Variants in CDH18 observed in about 807,000 individuals in gnomAD.
CDH18 encodes the protein cadherin 18.
CDH18 carries 31 observed loss-of-function variants against 67.9 expected under a neutral mutation model. The observed-to-expected ratio is 0.46, with a 90% CI of 0.34 to 0.62. The LOEUF (loss-of-function observed/expected upper bound fraction) is 0.62. CDH18 is among the 20% of genes least tolerant of loss of function. CDH18 has a pLI of 0.01. For synonymous variants in CDH18, 362 were observed against 347.2 expected (o/e 1.04, Z -0.48); for missense variants, 890 against 975.5 (o/e 0.91, Z 1.17).
intron 5 of CDH18, among the ~76,000 whole-genome samples, chr5:19,628,929 A>G (rs1461701214): frequency 1.3e-5 from 2 of 152,110 alleles, no homozygotes; most frequent in African/African-American, 4.8e-5. Context: ...AGAAAGAAAA[A>G]AAAAAAACTA....
chr5:20,052,673 C>G (rs575542842), intron 2 of CDH18, among the ~76,000 whole-genome samples: 1 of 151,908 alleles, frequency 6.6e-6, no homozygotes, highest in Non-Finnish European at 1.5e-5. Context: ...GTATGTCTCA[C>G]TATCAAAATA....
chr5:20,413,924 T>C (rs1430459071), intron 1 of CDH18, among the ~76,000 whole-genome samples: 2 of 152,338 alleles, frequency 1.3e-5, no homozygotes, highest in East Asian at 1.9e-4. Flanking sequence ...TAGGTTTTCT[T>C]CTCGGGTTTT....
At chr5:19,924,909 T>C (rs1792924599) in intron 2 of CDH18, among the ~76,000 whole-genome samples, 1 of 152,144 alleles carries the variant, frequency 6.6e-6, no homozygotes, top group Non-Finnish European at 1.5e-5. Context: ...AAGTGGCATT[T>C]AAAATACAAT....
intron 2 of CDH18, among the ~76,000 whole-genome samples, chr5:20,075,331 C>T (rs894703627): frequency 2.2e-4 from 33 of 152,130 alleles, no homozygotes; most frequent in African/African-American, 6.3e-4. Flanking sequence ...GGTGAAACCC[C>T]GTCTCTACTA....
chr5:20,539,902 A>T (rs972938875), intron 1 of CDH18, among the ~76,000 whole-genome samples: 4 of 152,180 alleles, frequency 2.6e-5, no homozygotes, highest in Non-Finnish European at 5.9e-5. Flanking sequence ...GAAGTTATTT[A>T]ACTTATTTAA....
Position 19,661,173 on chromosome 5 carries a change from T to C in CDH18, c.644-48572A>G, listed in dbSNP as rs79657835. On this transcript the variant is annotated intron_variant, in intron 5 of 12. Transcript: ENST00000382275. The stretch of plus-strand genomic sequence containing the variant: ...TTACATAGCTAATTATATTAGCACT[T>C]ATTTTCTGATCCCTTTAATTTTCTT... Among the ~76,000 whole-genome samples the C allele has an allele frequency of 5.2e-3, 787 of 152,196 alleles. 7 individuals are homozygous for C. Among genetic ancestry groups the C allele is most frequent in the African/African-American group, 0.018 (762 of 41,550 alleles).
chr5:19,805,221 C>T (rs1165186056), intron 3 of CDH18, among the ~76,000 whole-genome samples: 1 of 152,062 alleles, frequency 6.6e-6, no homozygotes, highest in Non-Finnish European at 1.5e-5. Flanking sequence ...GTATTGGGAT[C>T]ACAGACATGA....
At chr5:19,783,978 G>T (rs899530199) in intron 3 of CDH18, among the ~76,000 whole-genome samples, 2 of 151,862 alleles carry the variant, frequency 1.3e-5, no homozygotes, top group African/African-American at 4.8e-5. Context: ...AATCCCATAG[G>T]TAGATATTAT....
chr5:19,931,899 G>GT (rs1223528850), intron 2 of CDH18, among the ~76,000 whole-genome samples: 2 of 151,512 alleles, frequency 1.3e-5, no homozygotes, highest in African/African-American at 4.8e-5. Context: ...TTTCCCTGCC[G>GT]TTTAAGTTTC....
At chr5:19,883,770 C>T (rs1258348677) in intron 2 of CDH18, among the ~76,000 whole-genome samples, 2 of 151,940 alleles carry the variant, frequency 1.3e-5, no homozygotes, top group Admixed American at 1.3e-4. Context: ...CTTTCAAATG[C>T]AGAACTAAAT....
intron 2 of CDH18, among the ~76,000 whole-genome samples, chr5:20,088,857 T>C (rs995637471): frequency 3.3e-5 from 5 of 152,158 alleles, no homozygotes; most frequent in African/African-American, 1.2e-4. Flanking sequence ...TTGTCTATTG[T>C]CTTTAATTTT....
intron 2 of CDH18, among the ~76,000 whole-genome samples, chr5:20,107,275 C>T (rs1363550269): frequency 6.6e-6 from 1 of 151,942 alleles, no homozygotes; most frequent in Non-Finnish European, 1.5e-5. Context: ...GGGGTTTCAC[C>T]GTGTTAGCCA....
At chr5:19,764,305 T>C (rs984472358) in intron 3 of CDH18, among the ~76,000 whole-genome samples, 11 of 151,978 alleles carry the variant, frequency 7.2e-5, no homozygotes, top group Non-Finnish European at 1.3e-4. Flanking sequence ...GAAATATGAA[T>C]GATTATTAAA....
intron 5 of CDH18, among the ~76,000 whole-genome samples, chr5:19,638,081 G>T (rs540118441): frequency 8.4e-4 from 128 of 152,186 alleles, no homozygotes; most frequent in African/African-American, 2.9e-3. Flanking sequence ...TGTTTCGTTT[G>T]TTAACAAAAC....
At chr5:20,209,675 T>G (rs936626937) in intron 2 of CDH18, among the ~76,000 whole-genome samples, 1 of 151,998 alleles carries the variant, frequency 6.6e-6, no homozygotes, top group African/African-American at 2.4e-5. Flanking sequence ...GTCCTAATGA[T>G]GGATAGATCA....
intron 12 of CDH18, among the ~76,000 whole-genome samples, chr5:19,475,549 C>CACACAT (rs534575054): frequency 9.5e-4 from 145 of 151,996 alleles, no homozygotes; most frequent in Non-Finnish European, 1.4e-3. Context: ...CACACACACA[C>CACACAT]ACACATACAC....
chr5:20,288,444 G>GAT (rs10534377), intron 1 of CDH18, among the ~76,000 whole-genome samples: 2,815 of 147,914 alleles, frequency 0.019, 47 homozygotes, highest in African/African-American at 0.048. Flanking sequence ...CAAAAAATAC[G>GAT]ATATATATAT....
intron 2 of CDH18, among the ~76,000 whole-genome samples, chr5:20,034,146 T>G (rs1043601287): frequency 6.6e-6 from 1 of 151,964 alleles, no homozygotes; most frequent in Non-Finnish European, 1.5e-5. Flanking sequence ...TGACTGTACA[T>G]GAAAATGAGA....
At chr5:20,399,795 C>A (rs1745604693) in intron 1 of CDH18, among the ~76,000 whole-genome samples, 1 of 152,126 alleles carries the variant, frequency 6.6e-6, no homozygotes, top group South Asian at 2.1e-4. Context: ...TCAAATAGCT[C>A]ATCAGAGTGA....
Sources: gnomAD v4.1 joint callset for allele counts (sites outside exome capture counted in the v4.1 genomes callset) on GRCh38, gnomAD v4.1.1 for gene constraint, MANE v1.5 for transcripts, NCBI Gene and HGNC (gene_info 2026-07-23, HGNC 2026-07-21) for gene names.